Variants in MZF1 observed in about 807,000 individuals in gnomAD.
The protein encoded by MZF1 is myeloid zinc finger 1, also known as zinc finger and SCAN domain-containing protein 6.
Under a neutral mutation model 28.6 loss-of-function variants are expected in MZF1, and 24 were observed. The observed-to-expected ratio is 0.84, with a 90% CI of 0.61 to 1.18. The LOEUF is 1.18. Ranked by LOEUF, MZF1 falls within the 50% of genes most tolerant of loss-of-function variation. The probability of loss-of-function intolerance (pLI) is 0.00; values close to 1 mark genes in which losing one functional copy is unlikely to be tolerated. For missense variants in MZF1, 1,166 were observed against 1,026.4 expected (o/e 1.14, Z -1.86); for synonymous variants, 516 against 432.5 (o/e 1.19, Z -2.40).
chr19:58,564,898 G>GTTTTTTTTTT lies in MZF1; in HGVS notation c.773-1395_773-1394insAAAAAAAAAA, dbSNP rs1600099960. On this transcript the variant is annotated intron_variant, in intron 5 of 5. Coordinates refer to ENST00000215057, the MANE Select transcript of MZF1 (RefSeq NM_198055.2). ...CAGGGTGGAGAATAAGCATCCATGT[G>GTTTTTTTTTT]TGTGTTTTTTTTTTTTTTTTTTTTT... 8.8e-4 allele frequency among the ~76,000 whole-genome samples: 81 copies of GTTTTTTTTTT among 91,942 alleles called. 16 individuals carry two copies. The highest frequency in any genetic ancestry group is 4.1e-3 in the African/African-American group (78 of 18,942). 60.3% of individuals were successfully genotyped at this position (91,942 alleles called of 152,430 possible).
At chr19:58,565,230 G>A (rs1030788339) in intron 5 of MZF1, among the ~76,000 whole-genome samples, 27 of 151,970 alleles carry the variant, frequency 1.8e-4, no homozygotes, top group African/African-American at 6.0e-4. Flanking sequence ...GAGTAGCTGG[G>A]ATTACAGGCA....
chr19:58,563,137 A>C lies in MZF1; in HGVS notation c.1140T>G (p.Gly380=), dbSNP rs1483573062. The change falls in exon 6 of 6, where the codon GGT becomes GGG. Residue 380 remains glycine, a synonymous_variant. Transcript: ENST00000215057. The part of the protein sequence containing the change: ...NLLRHQKIHT[G]ERPFVCSECG... ...ACTCGCTGCACACGAATGGTCGCTC[A>C]CCCGTGTGGATCTTCTGGTGCCTCA... is the stretch of plus-strand genomic sequence containing the variant. 1 of 1,608,846 alleles carries C rather than the reference A, an allele frequency of 6.2e-7. No individual in the cohort carries two copies. The highest frequency in any genetic ancestry group is 1.1e-5 in the South Asian group (1 of 91,042).
At chr19:58,571,485 G>GTA in intron 1 of MZF1, 56 bp from the exon 2 acceptor site, 9 of 1,467,200 alleles carry the variant, frequency 6.1e-6, no homozygotes, top group Non-Finnish European at 8.4e-6. Flanking sequence ...ATGCTTCACT[G>GTA]CCTAGTCTAT....
chr19:58,571,487 C>T, intron 1 of MZF1, 58 bp from the exon 2 acceptor site: 3 of 1,417,788 alleles, frequency 2.1e-6, no homozygotes, highest in Non-Finnish European at 2.9e-6. Flanking sequence ...GCTTCACTGC[C>T]TAGTCTATGC....
In MZF1 at chr19:58,570,463, G is replaced by C. The variant is rs1368971073; in HGVS notation, c.461C>G (p.Pro154Arg). The C allele has an allele frequency of 1.9e-6, 3 of 1,613,916 alleles. No individual in the cohort carries two copies. The highest frequency in any genetic ancestry group is 2.5e-6 in the Non-Finnish European group (3 of 1,179,868). The change falls in exon 3 of 6, where the codon CCC becomes CGC. Residue 154 changes from proline to arginine, a missense_variant. Transcript: ENST00000215057. ...SEKMEPSSFQ[P>R]LPETEPPTPE... ...AGTTGGAGGCTCAGTTTCAGGTAGG[G>C]GCTGGAAACTGGAGGGCTCCATCTT... is the stretch of plus-strand genomic sequence containing the variant.
intron 5 of MZF1, among the ~76,000 whole-genome samples, chr19:58,567,914 A>G (rs1048369200): frequency 6.6e-6 from 1 of 152,212 alleles, no homozygotes; most frequent in African/African-American, 2.4e-5. Context: ...GAACATTCAG[A>G]GAATAAAAAC....
chr19:58,566,323 CTG>C (rs1490155994), intron 5 of MZF1, among the ~76,000 whole-genome samples: 3 of 151,806 alleles, frequency 2.0e-5, no homozygotes, highest in Admixed American at 6.6e-5. Flanking sequence ...TGGAGCATGA[CTG>C]TAATCTCAGC....
chr19:58,567,773 T>C (rs1405971965), intron 5 of MZF1, among the ~76,000 whole-genome samples: 1 of 152,182 alleles, frequency 6.6e-6, no homozygotes, highest in Non-Finnish European at 1.5e-5. Flanking sequence ...GGTGCCCCTC[T>C]CTTGCATATA....
In MZF1 at chr19:58,571,385, C is replaced by T; in HGVS notation, c.5G>A (p.Arg2Lys). The T allele has an allele frequency of 1.2e-6, 2 of 1,614,088 alleles. No individual in the cohort carries two copies. The highest frequency in any genetic ancestry group is 1.7e-6 in the Non-Finnish European group (2 of 1,180,006). Residue 2 changes from arginine to lysine, a missense_variant, in exon 2 of 6, where the codon AGG becomes AAG. Physicochemically the swap from Arg to Lys is conservative, Grantham distance 26. Transcript: ENST00000215057. The stretch of plus-strand genomic sequence containing the variant: ...GTCTGGGGAGCCCAGCACCGCAGGC[C>T]TCATAGAGGGTACCAGGTCAGGTAT... MRPAVLGSPDRA... is the reference protein window; with the variant it reads MKPAVLGSPDRA...
Position 58,571,052 on chromosome 19 carries a change from T to C in MZF1, c.338A>G (p.Glu113Gly). The change falls in exon 2 of 6, where the codon GAG becomes GGG. Residue 113 changes from glutamate (E) to glycine (G), a missense_variant. Transcript: ENST00000215057. ...RVQGQRPGSPEEAAALVDGLR... is the reference protein window; with the variant it reads ...RVQGQRPGSPGEAAALVDGLR... The stretch of plus-strand genomic sequence containing the variant: ...CCCATCTACTAGGGCAGCAGCCTCC[T>C]CGGGGCTGCCTGGCCGCTGCCCCTG... 1.9e-6 allele frequency: 3 copies of C among 1,612,996 alleles called. No individual in the cohort carries two copies. Among genetic ancestry groups the C allele is most frequent in the Non-Finnish European group, 2.5e-6 (3 of 1,179,760 alleles).
rs769188539 is a variant in MZF1, at chr19:58,562,217, C to T, written c.2060G>A (p.Gly687Asp). 6.2e-7 allele frequency: 1 copy of T among 1,608,386 alleles called. No homozygotes were observed. The highest frequency in any genetic ancestry group is 8.5e-7 in the Non-Finnish European group (1 of 1,179,102). Residue 687 changes from glycine to aspartate, a missense_variant, in exon 6 of 6, where the codon GGC (glycine) becomes GAC (aspartate). Transcript: ENST00000215057. ...GERPYACPEC[G>D]KAFRQRPTLT... Reference sequence around the variant, plus strand: ...CGTGGGCCGCTGGCGGAAGGCCTTGCCACACTCAGGGCATGCGTAGGGCCG... The same window carrying T: ...CGTGGGCCGCTGGCGGAAGGCCTTGTCACACTCAGGGCATGCGTAGGGCCG...
In MZF1 at chr19:58,562,495, C is replaced by T; in HGVS notation, c.1782G>A (p.Glu594=). 7 of 1,610,494 alleles carry T rather than the reference C, an allele frequency of 4.3e-6. No individual in the cohort carries two copies. Among genetic ancestry groups the T allele is most frequent in the Non-Finnish European group, 5.1e-6 (6 of 1,179,248 alleles). The part of the protein sequence containing the change: ...LTQHLRVHTG[E]KPFACPECGQ... Reference sequence around the variant, plus strand: ...CACACTCGGGGCAGGCAAAGGGTTTCTCGCCCGTGTGTACGCGGAGATGCT... The same window carrying T: ...CACACTCGGGGCAGGCAAAGGGTTTTTCGCCCGTGTGTACGCGGAGATGCT... Residue 594 remains glutamate, a synonymous_variant, in exon 6 of 6, where the codon GAG becomes GAA. Transcript: ENST00000215057.
chr19:58,563,524 A>G lies in MZF1; in HGVS notation c.773-20T>C, dbSNP rs1362262469. ...CGAACCCTGCATACACAAGGGGACC[A>G]TTCATTCATGACAGAATGCCCACCG... On this transcript the variant is annotated intron_variant, in intron 5 of 5. Coordinates refer to ENST00000215057, the MANE Select transcript of MZF1 (RefSeq NM_198055.2). 1 of 1,503,694 alleles carries G rather than the reference A, an allele frequency of 6.7e-7. No individual in the cohort carries two copies. Among genetic ancestry groups the G allele is most frequent in the South Asian group, 1.3e-5 (1 of 78,466 alleles). 93.1% of individuals were successfully genotyped at this position (1,503,694 alleles called of 1,614,324 possible).
In MZF1 at chr19:58,563,518, G is replaced by A. The variant is rs749038301; in HGVS notation, c.773-14C>T. 6.0e-6 allele frequency: 9 copies of A among 1,512,274 alleles called. No individual in the cohort carries two copies. The highest frequency in any genetic ancestry group is 2.5e-5 in the South Asian group (2 of 79,636). The allele number at this position is 1,512,274 out of a possible 1,614,324, so 93.7% of individuals were successfully genotyped here. On this transcript the variant is annotated splice_polypyrimidine_tract_variant and intron_variant, in intron 5 of 5. Transcript: ENST00000215057. ...GCAGCGCGAACCCTGCATACACAAG[G>A]GGACCATTCATTCATGACAGAATGC...
chr19:58,570,123 G>GT lies in MZF1; in HGVS notation c.580+220dup, dbSNP rs1047624927. 14 of 519,734 alleles carry GT rather than the reference G, an allele frequency of 2.7e-5. No homozygotes were observed. In the African/African-American group the frequency reaches 2.7e-4, roughly 10 times the overall value. 32.2% of individuals were successfully genotyped at this position (519,734 alleles called of 1,614,324 possible). A position where few individuals can be genotyped will look rare whatever the true frequency, so the allele number is the denominator to read the frequency against. ...CTGCTCCATGCCATGGGGTTCGTGG[G>GT]TACAGGGCTGTGGCAGTCAGGCTTG... On this transcript the variant is annotated intron_variant, in intron 3 of 5. Coordinates refer to ENST00000215057, the MANE Select transcript of MZF1 (RefSeq NM_198055.2).
chr19:58,565,816 CGT>C (rs1568681424), intron 5 of MZF1, among the ~76,000 whole-genome samples: 11 of 146,054 alleles, frequency 7.5e-5, no homozygotes, highest in Non-Finnish European at 1.5e-4. Context: ...ACAGGCGTGA[CGT>C]GCCGCGCCGG....
At position 58,571,191 on chromosome 19, in the gene MZF1, C is replaced by T. The variant is rs751649312; in HGVS notation, c.199G>A (p.Glu67Lys). ...GGACGCAGCCACTGGCGACACAGCT[C>T]TCGGAGCTGGGCCAGGGCCTCTTGG... ...GPQEALAQLR[E>K]LCRQWLRPEV... is the part of the protein sequence containing the mutation. The change falls in exon 2 of 6, where the codon GAG (glutamate) becomes AAG (lysine). Residue 67 changes from glutamate to lysine, a missense_variant. By Grantham distance (56) the Glu-to-Lys change is moderately conservative. Transcript: ENST00000215057. 1 of 1,613,278 alleles carries T rather than the reference C, an allele frequency of 6.2e-7. No homozygotes were observed. Among genetic ancestry groups the T allele is most frequent in the East Asian group, 2.2e-5 (1 of 44,874 alleles).
intron 5 of MZF1, among the ~76,000 whole-genome samples, chr19:58,565,645 G>A (rs565703049): frequency 6.6e-5 from 10 of 151,978 alleles, no homozygotes; most frequent in African/African-American, 2.4e-4. Context: ...CCATTCTCCT[G>A]CCTCAGCCAC....
Position 58,562,805 on chromosome 19 carries a change from C to G in MZF1, c.1472G>C (p.Arg491Pro), listed in dbSNP as rs1390134849. The G allele has an allele frequency of 1.3e-6, 2 of 1,534,542 alleles. No individual in the cohort carries two copies. The highest frequency in any genetic ancestry group is 1.7e-6 in the Non-Finnish European group (2 of 1,146,440). Reference protein sequence around the residue: ...PPGPFPCSECRESFARRAVLL... With the variant: ...PPGPFPCSECPESFARRAVLL... The stretch of plus-strand genomic sequence containing the variant: ...CACGGCGCGCCGCGCGAAGCTCTCG[C>G]GGCACTCGCTGCACGGAAAGGGGCC... The change falls in exon 6 of 6, where the codon CGC (arginine) becomes CCC (proline). Residue 491 changes from arginine to proline, a missense_variant. Physicochemically the swap from Arg to Pro is moderately radical, Grantham distance 103 (BLOSUM62 -2). Transcript: ENST00000215057.
Sources: gnomAD v4.1 joint callset for allele counts (sites outside exome capture counted in the v4.1 genomes callset) on GRCh38, gnomAD v4.1.1 for gene constraint, MANE v1.5 for transcripts, NCBI Gene and HGNC (gene_info 2026-07-23, HGNC 2026-07-21) for gene names.